The following PTPRM variants were observed in gnomAD, a reference collection of about 807,000 sequenced individuals.
PTPRM encodes the protein receptor-type tyrosine-protein phosphatase mu.
PTPRM carries 47 observed loss-of-function variants against 186.7 expected under a neutral mutation model. That is an observed-to-expected ratio of 0.25 (90% CI 0.20 to 0.32). PTPRM has a LOEUF of 0.32. Ranked by LOEUF, PTPRM falls within the 10% of genes least tolerant of loss-of-function variation. The probability of loss-of-function intolerance (pLI) is 1.00; values close to 1 mark genes in which losing one functional copy is unlikely to be tolerated. For synonymous variants in PTPRM, 668 were observed against 674.9 expected (o/e 0.99, Z 0.16); for missense variants, 1,494 against 1,865.0 (o/e 0.80, Z 3.66).
At chr18:8,225,858 T>C (rs1167147718) in intron 14 of PTPRM, among the ~76,000 whole-genome samples, 3 of 152,204 alleles carry the variant, frequency 2.0e-5, no homozygotes. Context: ...TCAAACAAGC[T>C]ATAGATTAGG....
chr18:7,884,517 G>A (rs556480601), intron 2 of PTPRM, among the ~76,000 whole-genome samples: 13 of 152,088 alleles, frequency 8.5e-5, no homozygotes, highest in Non-Finnish European at 1.5e-4. Context: ...GCCTCCCAAG[G>A]ACCTGAACCC....
At chr18:8,118,035 C>T (rs1407638495) in intron 13 of PTPRM, among the ~76,000 whole-genome samples, 1 of 152,060 alleles carries the variant, frequency 6.6e-6, no homozygotes, top group Non-Finnish European at 1.5e-5. Context: ...AAACTCTTTG[C>T]AGCTAGTTTT....
intron 14 of PTPRM, among the ~76,000 whole-genome samples, chr18:8,217,463 C>T (rs55931864): frequency 0.016 from 2,381 of 152,248 alleles, 65 homozygotes; most frequent in African/African-American, 0.054. Flanking sequence ...TATACAAATT[C>T]GTTACATTAC....
chr18:8,299,786 A>G (rs2095136341), intron 20 of PTPRM, among the ~76,000 whole-genome samples: 1 of 152,210 alleles, frequency 6.6e-6, no homozygotes, highest in African/African-American at 2.4e-5. Flanking sequence ...CAGACAGTAC[A>G]GAAACAGATG....
At chr18:8,275,496 C>G (rs548519705) in intron 19 of PTPRM, among the ~76,000 whole-genome samples, 2 of 152,186 alleles carry the variant, frequency 1.3e-5, no homozygotes, top group African/African-American at 4.8e-5. Flanking sequence ...GCGTTTAGAG[C>G]TTTATAGGTA....
intron 4 of PTPRM, among the ~76,000 whole-genome samples, chr18:7,911,921 C>T (rs899587055): frequency 8.3e-5 from 11 of 132,136 alleles, no homozygotes; most frequent in African/African-American, 1.8e-4. Flanking sequence ...GCTGTGATCT[C>T]GGCTCACTGC....
chr18:8,240,623 GAGAGAGAGAGA>G (rs2094411491), intron 14 of PTPRM, among the ~76,000 whole-genome samples: 1 of 26,220 alleles, frequency 3.8e-5, no homozygotes, highest in African/African-American at 2.0e-4. Context: ...GGGAGGGAGA[GAGAGAGAGAGA>G]GAGAGAGAGA....
chr18:7,929,006 A>G (rs2051328938), intron 5 of PTPRM, among the ~76,000 whole-genome samples: 1 of 152,168 alleles, frequency 6.6e-6, no homozygotes, highest in Admixed American at 6.5e-5. Context: ...ACTATAGAAC[A>G]ACTTGGAAGG....
At chr18:7,718,702 C>T (rs574409037) in intron 1 of PTPRM, among the ~76,000 whole-genome samples, 1 of 152,084 alleles carries the variant, frequency 6.6e-6, no homozygotes, top group South Asian at 2.1e-4. Flanking sequence ...CAAGGAACTC[C>T]AACAAATCAG....
In PTPRM at chr18:8,394,575, A is replaced by G. The variant is rs1022774156; in HGVS notation, c.4308A>G (p.Thr1436=). The change falls in exon 32 of 33, where the codon ACA becomes ACG. Residue 1436 remains threonine, a synonymous_variant. Transcript: ENST00000580170. ...RTVDVFHAVK[T]LRNNKPNMVD... is the part of the protein sequence containing the mutation. ...TGGATGTCTTTCACGCTGTGAAGAC[A>G]CTGAGGAACAACAAGCCCAACATGG... The G allele has an allele frequency of 2.5e-6, 4 of 1,612,952 alleles. No individual in the cohort carries two copies. Among genetic ancestry groups the G allele is most frequent in the East Asian group, 2.2e-5 (1 of 44,804 alleles).
At position 8,113,752 on chromosome 18, in the gene PTPRM, C is replaced by T; in HGVS notation, c.2123C>T (p.Ala708Val). 6.2e-7 allele frequency: 1 copy of T among 1,612,574 alleles called. No individual in the cohort carries two copies. The highest frequency in any genetic ancestry group is 1.1e-5 in the South Asian group (1 of 90,962). ...YRIYFQAASR[A>V]NGETKIDCVQ... is the part of the protein sequence containing the mutation. ...ATTTATTTCCAAGCTGCTAGTAGAGCCAATGGGGTAAGTTGTACAGATAAC... is the reference window on the plus strand; with the variant it reads ...ATTTATTTCCAAGCTGCTAGTAGAGTCAATGGGGTAAGTTGTACAGATAAC... Residue 708 changes from alanine (A) to valine (V), a missense_variant, in exon 12 of 33, where the codon GCC becomes GTC. Transcript: ENST00000580170.
chr18:7,749,301 G>A (rs1322912280), intron 1 of PTPRM: 2 of 151,432 alleles, frequency 1.3e-5, no homozygotes, highest in Non-Finnish European at 2.9e-5. Flanking sequence ...TTTGCTGGCA[G>A]CACTACTGCA....
chr18:7,732,648 AG>A (rs2040684915), intron 1 of PTPRM, among the ~76,000 whole-genome samples: 1 of 152,068 alleles, frequency 6.6e-6, no homozygotes, highest in Non-Finnish European at 1.5e-5. Flanking sequence ...CTGGAACTAC[AG>A]GTATGCACCC....
chr18:7,883,751 C>T (rs951953302), intron 2 of PTPRM, among the ~76,000 whole-genome samples: 9 of 152,278 alleles, frequency 5.9e-5, no homozygotes, highest in African/African-American at 2.2e-4. Flanking sequence ...TAATGTTCTT[C>T]TCTCGTAAAG....
chr18:8,192,560 A>T (rs897316769), intron 14 of PTPRM, among the ~76,000 whole-genome samples: 1 of 152,242 alleles, frequency 6.6e-6, no homozygotes, highest in East Asian at 1.9e-4. Flanking sequence ...TGATTATAAC[A>T]CATTGAATTT....
At chr18:8,074,212 T>A (rs1331626067) in intron 8 of PTPRM, among the ~76,000 whole-genome samples, 1 of 152,202 alleles carries the variant, frequency 6.6e-6, no homozygotes. Flanking sequence ...TTAGCAATCA[T>A]TAAAAAACTG....
At chr18:7,654,769 G>A (rs866958894) in intron 1 of PTPRM, among the ~76,000 whole-genome samples, 3 of 152,110 alleles carry the variant, frequency 2.0e-5, no homozygotes, top group Admixed American at 6.5e-5. Context: ...TAGGTGTGTG[G>A]CCTTATTTCT....
chr18:7,779,303 C>G (rs1161198618), intron 2 of PTPRM, among the ~76,000 whole-genome samples: 1 of 152,122 alleles, frequency 6.6e-6, no homozygotes, highest in Non-Finnish European at 1.5e-5. Flanking sequence ...CTACATAAAG[C>G]TCATTTAGCT....
In PTPRM at chr18:7,927,456, C is replaced by T. The variant is rs77262602; in HGVS notation, c.663+773C>T. Among the ~76,000 whole-genome samples, 937 of 145,804 alleles carry T rather than the reference C, an allele frequency of 6.4e-3. 12 individuals carry two copies. The highest frequency in any genetic ancestry group is 0.022 in the African/African-American group (869 of 38,670). ...TGTTGATTTTTTGTCCTTATCTTTC[C>T]GTGTTTTGTGTGGGTGTGGGTTTTT... On this transcript the variant is annotated intron_variant, in intron 5 of 32. Transcript: ENST00000580170.
Sources: allele counts gnomAD v4.1 joint callset (sites outside exome capture counted in the v4.1 genomes callset), GRCh38; gene constraint gnomAD v4.1.1; transcripts MANE v1.5; gene names NCBI Gene and HGNC (gene_info 2026-07-23, HGNC 2026-07-21).